SIPA1L3: variants seen among roughly 807,000 people sequenced by gnomAD.
SIPA1L3 encodes signal-induced proliferation-associated 1-like protein 3.
In SIPA1L3, 59 loss-of-function variants were observed where a neutral mutation model predicts 150.1. That is an observed-to-expected ratio of 0.39 (90% CI 0.32 to 0.49). The LOEUF is 0.49. SIPA1L3 is among the 20% of genes least tolerant of loss of function. The probability of loss-of-function intolerance (pLI) is 0.86; values close to 1 mark genes in which losing one functional copy is unlikely to be tolerated. For missense variants in SIPA1L3, 2,211 were observed against 2,489.5 expected, an observed-to-expected ratio of 0.89 and a Z score of 2.38; for synonymous variants, 1,070 against 1,077.6, an observed-to-expected ratio of 0.99 and a Z score of 0.14.
intron 1 of SIPA1L3, among the ~76,000 whole-genome samples, chr19:37,921,344 C>T (rs977501736): frequency 6.6e-6 from 1 of 152,080 alleles, no homozygotes; most frequent in South Asian, 2.1e-4. Context: ...AAGAGGGAAA[C>T]GTTTGGGGGC....
At chr19:37,959,168 C>A (rs1400084792) in intron 1 of SIPA1L3, among the ~76,000 whole-genome samples, 3 of 152,178 alleles carry the variant, frequency 2.0e-5, no homozygotes, top group African/African-American at 7.2e-5. Flanking sequence ...TCCAGCAATT[C>A]CACTCCTAGG....
chr19:38,079,406 T>C (rs1241291626), intron 2 of SIPA1L3, among the ~76,000 whole-genome samples: 1 of 152,132 alleles, frequency 6.6e-6, no homozygotes, highest in Non-Finnish European at 1.5e-5. Flanking sequence ...AACATTTGAG[T>C]GGTGGACCTA....
chr19:37,972,904 C>G (rs1966977547), intron 1 of SIPA1L3, among the ~76,000 whole-genome samples: 2 of 152,132 alleles, frequency 1.3e-5, no homozygotes, highest in Admixed American at 1.3e-4. Context: ...TTCTATCCTG[C>G]TTCAAAGAGC....
intron 1 of SIPA1L3, among the ~76,000 whole-genome samples, chr19:37,954,145 AT>A (rs1173405480): frequency 6.6e-6 from 1 of 152,088 alleles, no homozygotes; most frequent in Non-Finnish European, 1.5e-5. Flanking sequence ...AATCATGTAA[AT>A]TTTTCCCTGG....
At chr19:38,068,727 C>T (rs991395902) in intron 2 of SIPA1L3, among the ~76,000 whole-genome samples, 3 of 152,068 alleles carry the variant, frequency 2.0e-5, no homozygotes, top group Non-Finnish European at 2.9e-5. Context: ...TGTGGTGGCA[C>T]ACAGCTGTAG....
At chr19:38,041,424 G>A (rs904656994) in intron 2 of SIPA1L3, among the ~76,000 whole-genome samples, 18 of 151,546 alleles carry the variant, frequency 1.2e-4, no homozygotes, top group African/African-American at 2.9e-4. Flanking sequence ...GATTACAGGC[G>A]CACGCTACCA....
chr19:37,958,032 G>T (rs955788318), intron 1 of SIPA1L3, among the ~76,000 whole-genome samples: 1 of 152,128 alleles, frequency 6.6e-6, no homozygotes, highest in Non-Finnish European at 1.5e-5. Context: ...ATCTTATTTA[G>T]TGGAGATATT....
chr19:37,967,911 A>C (rs2046918656), intron 1 of SIPA1L3, among the ~76,000 whole-genome samples: 2 of 152,112 alleles, frequency 1.3e-5, no homozygotes, highest in South Asian at 2.1e-4. Context: ...CACCCGCCTC[A>C]GCCTCACAAA....
At chr19:38,141,558 T>TCTTATCC (rs1298992308) in intron 11 of SIPA1L3, 123 bp downstream of exon 11, 1 of 1,070,390 alleles carries the variant, frequency 9.3e-7, no homozygotes, top group African/African-American at 1.6e-5. Flanking sequence ...CGACCTTCCT[T>TCTTATCC]CTTATCCTTA....
In SIPA1L3 at chr19:38,047,842, G is replaced by A. The variant is rs1969096355; in HGVS notation, c.-311+18686G>A. Among the ~76,000 whole-genome samples, 1 of 152,206 alleles carries A rather than the reference G, an allele frequency of 6.6e-6. No individual in the cohort carries two copies. On this transcript the variant is annotated intron_variant, in intron 2 of 21. Transcript: ENST00000222345. This position sits in a 1 kb window ranked among gnomAD's most constrained non-coding sequence, Gnocchi z 4.7. ...AACAGAGCAGCTGCAGGAGTGCCAGGCTGGGCTTTCTGGTCCTGTCTCTCA... is the reference window on the plus strand; with the variant it reads ...AACAGAGCAGCTGCAGGAGTGCCAGACTGGGCTTTCTGGTCCTGTCTCTCA...
chr19:38,177,707 C>T (rs1972467344), intron 15 of SIPA1L3, among the ~76,000 whole-genome samples: 1 of 152,070 alleles, frequency 6.6e-6, no homozygotes, highest in Non-Finnish European at 1.5e-5. Flanking sequence ...GACCTTTGCA[C>T]TGGCTGCATA....
chr19:38,110,028 A>G, intron 7 of SIPA1L3, 199 bp from the exon 8 acceptor site: 1 of 572,238 alleles, frequency 1.7e-6, no homozygotes, highest in South Asian at 2.2e-5. Context: ...GTTTCTGGCC[A>G]TGGTGAGGCC....
At chr19:38,100,690 A>C (rs1021342748) in intron 5 of SIPA1L3, among the ~76,000 whole-genome samples, 8 of 152,248 alleles carry the variant, frequency 5.3e-5, no homozygotes, top group African/African-American at 1.7e-4. Flanking sequence ...ATAAGCCTTG[A>C]GCCCTCCAGA....
Position 38,091,560 on chromosome 19 carries a change from T to G in SIPA1L3, c.1665+2709T>G, listed in dbSNP as rs112497479. 1.2e-3 allele frequency among the ~76,000 whole-genome samples: 177 copies of G among 152,334 alleles called. 1 individual carries two copies. Among genetic ancestry groups the G allele is most frequent in the African/African-American group, 4.0e-3 (166 of 41,574 alleles). On this transcript the variant is annotated intron_variant, in intron 4 of 21. Coordinates refer to ENST00000222345, the MANE Select transcript of SIPA1L3 (RefSeq NM_015073.3). ...AGACCCTGTTGTCCTCATTTACAGA[T>G]GACAGAACAGGCACAGAGAGGTTAA...
At chr19:38,134,426 AAG>A (rs1192106265) in intron 10 of SIPA1L3, among the ~76,000 whole-genome samples, 1 of 129,356 alleles carries the variant, frequency 7.7e-6, no homozygotes, top group African/African-American at 3.5e-5. Context: ...AAAAAAAAAA[AAG>A]CCAGGCTTGG....
At chr19:38,119,156 A>C (rs1261507841) in intron 8 of SIPA1L3, 150 bp from the exon 9 acceptor site, 1 of 740,746 alleles carries the variant, frequency 1.3e-6, no homozygotes, top group Non-Finnish European at 2.2e-6. Flanking sequence ...TGATTGCACC[A>C]TTGCACTCCA....
chr19:38,094,318 A>G (rs1346534502), intron 4 of SIPA1L3, among the ~76,000 whole-genome samples: 1 of 152,144 alleles, frequency 6.6e-6, no homozygotes, highest in Non-Finnish European at 1.5e-5. Flanking sequence ...GTGCAGTCAT[A>G]GCTCACTGCA....
intron 4 of SIPA1L3, among the ~76,000 whole-genome samples, chr19:38,098,392 ATTTTT>A (rs71179411): frequency 8.8e-6 from 1 of 113,726 alleles, no homozygotes. Flanking sequence ...AGGGGCTTTC[ATTTTT>A]TTTTTTTTTT....
At chr19:38,152,673 C>T (rs1207202424) in intron 12 of SIPA1L3, among the ~76,000 whole-genome samples, 167 bp from the exon 13 acceptor site, 4 of 152,196 alleles carry the variant, frequency 2.6e-5, no homozygotes, top group Admixed American at 2.0e-4. Context: ...GCTAATAGCA[C>T]GTTTCCAGGC....
Sources: allele counts gnomAD v4.1 joint callset (sites outside exome capture counted in the v4.1 genomes callset), GRCh38; gene constraint gnomAD v4.1.1; non-coding constraint Gnocchi (gnomAD v3.1); transcripts MANE v1.5; gene names NCBI Gene and HGNC (gene_info 2026-07-23, HGNC 2026-07-21).